The following HIPK1 variants were observed in gnomAD, a reference collection of about 807,000 sequenced individuals.
The protein encoded by HIPK1 is homeodomain interacting protein kinase 1, also known as homeodomain-interacting protein kinase 1.
Under a neutral mutation model 117.1 loss-of-function variants are expected in HIPK1, and 28 were observed. The observed-to-expected ratio is 0.24, with a 90% CI of 0.18 to 0.33. HIPK1 has a LOEUF of 0.33. Ranked by LOEUF, HIPK1 falls within the 10% of genes least tolerant of loss-of-function variation. The probability of loss-of-function intolerance (pLI) is 1.00; values close to 1 mark genes in which losing one functional copy is unlikely to be tolerated. For synonymous variants in HIPK1, 605 were observed against 562.5 expected (o/e 1.08, Z -1.07); for missense variants, 1,122 against 1,475.1 (o/e 0.76, Z 3.92).
chr1:113,972,894 C>T, intron 15 of HIPK1, 130 bp from the exon 16 acceptor site: 1 of 906,678 alleles, frequency 1.1e-6, no homozygotes, highest in Non-Finnish European at 1.6e-6. Context: ...CATTCAATGC[C>T]AGTGTGGGAG....
rs1671774143 is a variant in HIPK1 at position 113,957,032 on chromosome 1, GA to G, written c.1593-85del. The G allele has an allele frequency of 1.4e-5, 15 of 1,109,586 alleles. No homozygotes were observed. In the South Asian group the frequency reaches 1.4e-4, roughly 10 times the overall value. The allele number at this position is 1,109,586 out of a possible 1,614,324, so 68.7% of individuals were successfully genotyped here. On this transcript the variant is annotated intron_variant, in intron 6 of 15. Coordinates refer to ENST00000426820, the MANE Select transcript of HIPK1 (RefSeq NM_198268.3). ...ATTTATTTTATCTGAAAGTGATTGG[GA>G]AAAAAAGCTTTGATCCATGTTCATC... is the stretch of plus-strand genomic sequence containing the variant.
chr1:113,948,642 T>C (rs1238062368), intron 2 of HIPK1, among the ~76,000 whole-genome samples: 2 of 151,818 alleles, frequency 1.3e-5, no homozygotes, highest in African/African-American at 4.8e-5. Flanking sequence ...AGAGTTGCTG[T>C]TTTGACTGAG....
chr1:113,972,133 AG>A (rs1672881021), intron 15 of HIPK1, 179 bp downstream of exon 15: 7 of 1,528,304 alleles, frequency 4.6e-6, no homozygotes, highest in Non-Finnish European at 4.4e-6. Context: ...TCACTCTGTA[AG>A]TGTGTTCAGG....
At chr1:113,967,567 C>A (rs558735878) in intron 11 of HIPK1, among the ~76,000 whole-genome samples, 199 bp from the exon 12 acceptor site, 1 of 151,894 alleles carries the variant, frequency 6.6e-6, no homozygotes, top group South Asian at 2.1e-4. Context: ...ATTTTTTGAT[C>A]GTATTATTAG....
At chr1:113,962,171 T>A in intron 8 of HIPK1, 146 bp from the exon 9 acceptor site, 2 of 726,392 alleles carry the variant, frequency 2.8e-6, no homozygotes, top group Non-Finnish European at 4.2e-6. Flanking sequence ...CCAAGACTTC[T>A]ATGAATGAAA....
intron 1 of HIPK1, among the ~76,000 whole-genome samples, chr1:113,934,657 C>A (rs1361955871): frequency 2.0e-5 from 3 of 151,866 alleles, no homozygotes; most frequent in Non-Finnish European, 4.4e-5. Flanking sequence ...TCAAAAATAA[C>A]TTTTTATGCC....
intron 5 of HIPK1, among the ~76,000 whole-genome samples, chr1:113,956,012 G>C (rs1041902492): frequency 6.7e-6 from 1 of 148,644 alleles, no homozygotes; most frequent in Non-Finnish European, 1.5e-5. Context: ...TTTTTCAACA[G>C]TAGAAGCTTT....
At chr1:113,964,904 G>T (rs535688687) in intron 10 of HIPK1, among the ~76,000 whole-genome samples, 1 of 152,206 alleles carries the variant, frequency 6.6e-6, no homozygotes, top group African/African-American at 2.4e-5. Context: ...TCGTCGCTTG[G>T]AACGCCAGAT....
At chr1:113,938,912 A>AG (rs1333082160) in intron 1 of HIPK1, among the ~76,000 whole-genome samples, 3 of 35,410 alleles carry the variant, frequency 8.5e-5, no homozygotes, top group African/African-American at 2.1e-4. Context: ...TCTGTCTCAA[A>AG]AAAAAAAAAA....
chr1:113,955,474 C>G (rs1671657589), intron 4 of HIPK1, 89 bp from the exon 5 acceptor site: 1 of 789,676 alleles, frequency 1.3e-6, no homozygotes, highest in African/African-American at 1.7e-5. Context: ...GGTGACCACA[C>G]TTGTCTCTTG....
chr1:113,947,965 C>CT (rs1671097450), intron 2 of HIPK1, among the ~76,000 whole-genome samples: 1 of 152,160 alleles, frequency 6.6e-6, no homozygotes, highest in Non-Finnish European at 1.5e-5. Flanking sequence ...TTATCTAACT[C>CT]TGTTTCCTTA....
chr1:113,954,597 T>A (rs766832322), intron 3 of HIPK1, 54 bp from the exon 4 acceptor site: 1 of 1,596,114 alleles, frequency 6.3e-7, no homozygotes, highest in Non-Finnish European at 8.6e-7. Flanking sequence ...GTAAAAGCCT[T>A]TAATAATTTC....
intron 2 of HIPK1, among the ~76,000 whole-genome samples, chr1:113,950,021 A>G (rs1023682933): frequency 3.9e-5 from 6 of 152,158 alleles, no homozygotes; most frequent in Non-Finnish European, 7.4e-5. Context: ...GTCGACTGCT[A>G]TTTGTATTTA....
intron 2 of HIPK1, among the ~76,000 whole-genome samples, chr1:113,948,111 T>A (rs1457692490): frequency 6.6e-6 from 1 of 152,216 alleles, no homozygotes; most frequent in Non-Finnish European, 1.5e-5. Flanking sequence ...CAGTTTAAAG[T>A]ATTCAGTCCT....
At chr1:113,942,269 C>T (rs1005960290) in intron 2 of HIPK1, among the ~76,000 whole-genome samples, 5 of 151,724 alleles carry the variant, frequency 3.3e-5, no homozygotes, top group Admixed American at 1.3e-4. Flanking sequence ...CCATGTTGAC[C>T]GGGCTGGTTT....
intron 11 of HIPK1, 113 bp from the exon 12 acceptor site, chr1:113,967,653 C>T (rs1672541619): frequency 1.5e-6 from 1 of 653,352 alleles, no homozygotes; most frequent in Admixed American, 3.4e-5. Flanking sequence ...AGGTGCTCAA[C>T]TTTAAAAAAA....
chr1:113,964,166 T>C (rs1225568721), intron 10 of HIPK1, among the ~76,000 whole-genome samples: 4 of 144,486 alleles, frequency 2.8e-5, no homozygotes, highest in Non-Finnish European at 4.7e-5. Context: ...AGAATGTAGA[T>C]CATATTGTAG....
rs926786296 is a variant in HIPK1 at position 113,933,741 on chromosome 1, C to T, written c.-3+4209C>T. Among the ~76,000 whole-genome samples, 21 of 152,072 alleles carry T rather than the reference C, an allele frequency of 1.4e-4. 1 individual carries two copies. The highest frequency in any genetic ancestry group is 4.6e-4 in the African/African-American group (19 of 41,390). On this transcript the variant is annotated intron_variant, in intron 1 of 15. Coordinates refer to ENST00000426820, the MANE Select transcript of HIPK1 (RefSeq NM_198268.3). Reference sequence around the variant, plus strand: ...AATTAGCTGGGCGTGGTGGCATGTACTGGTAGTCCCAGTTACTCGGGAGGC... The same window carrying T: ...AATTAGCTGGGCGTGGTGGCATGTATTGGTAGTCCCAGTTACTCGGGAGGC...
intron 2 of HIPK1, among the ~76,000 whole-genome samples, chr1:113,948,041 T>C (rs1671102817): frequency 6.6e-6 from 1 of 152,114 alleles, no homozygotes; most frequent in Non-Finnish European, 1.5e-5. Context: ...GATTAAGAAA[T>C]AAGGAGGCCA....
Sources: gnomAD v4.1 joint callset for allele counts (sites outside exome capture counted in the v4.1 genomes callset) on GRCh38, gnomAD v4.1.1 for gene constraint, MANE v1.5 for transcripts, NCBI Gene and HGNC (gene_info 2026-07-23, HGNC 2026-07-21) for gene names.